The following ITGA3 variants were observed in gnomAD, a reference collection of about 807,000 sequenced individuals.
ITGA3 encodes the protein integrin alpha-3.
Under a neutral mutation model 131.1 loss-of-function variants are expected in ITGA3, and 70 were observed. That is an observed-to-expected ratio of 0.53 (90% confidence interval 0.44 to 0.65). The LOEUF (loss-of-function observed/expected upper bound fraction) is 0.65. Ranked by LOEUF, ITGA3 falls within the 30% of genes least tolerant of loss-of-function variation. The pLI is 0.00. For missense variants in ITGA3, 1,098 were observed against 1,388.6 expected (o/e 0.79, Z 3.33); for synonymous variants, 537 against 571.6 (o/e 0.94, Z 0.86).
chr17:50,068,068 C>T lies in ITGA3; in HGVS notation c.427C>T (p.Arg143Cys), dbSNP rs368137808. 1.5e-5 allele frequency: 25 copies of T among 1,613,890 alleles called. No individual in the cohort carries two copies. The highest frequency in any genetic ancestry group is 1.3e-5 in the African/African-American group (1 of 74,942). ...GGGGGGTCCCCAGGTCTGTGCCCAC[C>T]GCTACACCCAGGTGCTGTGGTCAGG... Reference protein sequence around the residue: ...PAGRVLVCAHRYTQVLWSGSE... With the variant: ...PAGRVLVCAHCYTQVLWSGSE... The change falls in exon 4 of 26, where the codon CGC becomes TGC. Residue 143 changes from arginine (R) to cysteine (C), a missense_variant. Arg to Cys is a radical substitution (Grantham distance 180). Coordinates refer to ENST00000320031, the MANE Select transcript of ITGA3 (RefSeq NM_002204.4).
At chr17:50,087,054 A>T (rs1424270974) in intron 23 of ITGA3, 1 of 152,006 alleles carries the variant, frequency 6.6e-6, no homozygotes, top group African/African-American at 2.4e-5. Context: ...TCTGTCTCCA[A>T]AAAATAAAAT....
intron 4 of ITGA3, among the ~76,000 whole-genome samples, 199 bp from the exon 5 acceptor site, chr17:50,070,644 CA>C (rs59600840): frequency 1.2e-3 from 85 of 69,452 alleles, no homozygotes; most frequent in Middle Eastern, 0.015. Flanking sequence ...AAGACTGTCT[CA>C]AAAAAAAAAA....
chr17:50,070,265 C>G (rs755232285), intron 4 of ITGA3, among the ~76,000 whole-genome samples: 9 of 152,222 alleles, frequency 5.9e-5, no homozygotes, highest in Non-Finnish European at 1.0e-4. Flanking sequence ...GCTCTACAAC[C>G]AGCTCCCCAT....
At chr17:50,058,442 C>A (rs759733089) in intron 1 of ITGA3, among the ~76,000 whole-genome samples, 1 of 152,210 alleles carries the variant, frequency 6.6e-6, no homozygotes, top group Admixed American at 6.5e-5. Flanking sequence ...GCACATGTGC[C>A]TTTCTCCAAG....
rs997976067 is a variant in ITGA3 at position 50,073,818 on chromosome 17, A to C, written c.1157-98A>C. 3 of 850,914 alleles carry C rather than the reference A, an allele frequency of 3.5e-6. No homozygotes were observed. In the African/African-American group the frequency reaches 4.9e-5, roughly 14 times the overall value. 52.7% of individuals were successfully genotyped at this position (850,914 alleles called of 1,614,324 possible). A position where few individuals can be genotyped will look rare whatever the true frequency, so the allele number is the denominator to read the frequency against. On this transcript the variant is annotated intron_variant, in intron 7 of 25. Coordinates refer to ENST00000320031, the MANE Select transcript of ITGA3 (RefSeq NM_002204.4). ...AGCCCTGCCCATCAATCAGGCCAAG[A>C]TCAGTTCTGTGCTGGGCTGTATGGC...
At chr17:50,072,389 C>G (rs1345195999) in intron 7 of ITGA3, among the ~76,000 whole-genome samples, 3 of 152,164 alleles carry the variant, frequency 2.0e-5, no homozygotes, top group Non-Finnish European at 2.9e-5. Flanking sequence ...AGTGGGCCTC[C>G]TGGAGGAGCT....
Position 50,089,514 on chromosome 17 carries a change from A to T in ITGA3, c.*436A>T. On this transcript the variant is annotated 3_prime_UTR_variant, in exon 26 of 26. Coordinates refer to ENST00000320031, the MANE Select transcript of ITGA3 (RefSeq NM_002204.4). Reference sequence around the variant, plus strand: ...TGTGCCCTAGATGCACGTGGGGCCCACTGCTCGTGGACTGTGCTGGTGCAT... The same window carrying T: ...TGTGCCCTAGATGCACGTGGGGCCCTCTGCTCGTGGACTGTGCTGGTGCAT... 1 of 531,306 alleles carries T rather than the reference A, an allele frequency of 1.9e-6. No individual in the cohort carries two copies. The allele number at this position is 531,306 out of a possible 1,614,324, so 32.9% of individuals were successfully genotyped here.
rs961576104 is a variant in ITGA3, at chr17:50,064,980, C to T, written c.414+373C>T. The stretch of plus-strand genomic sequence containing the variant: ...CTGGCGCTCCTTCCTGGGAGGCTGA[C>T]TGCCGGAAGAGGCCCAGCCCTGCTG... On this transcript the variant is annotated intron_variant, in intron 3 of 25. Transcript: ENST00000320031. This position sits in a 1 kb window ranked among gnomAD's most constrained non-coding sequence, Gnocchi z 4.4. 5.6e-6 allele frequency: 1 copy of T among 177,906 alleles called. No homozygotes were observed. The highest frequency in any genetic ancestry group is 2.4e-5 in the African/African-American group (1 of 42,116). The allele number at this position is 177,906 out of a possible 1,614,324, so 11.0% of individuals were successfully genotyped here.
chr17:50,068,854 ATTTATTTT>A (rs1409093415), intron 4 of ITGA3, among the ~76,000 whole-genome samples: 31 of 110,614 alleles, frequency 2.8e-4, no homozygotes, highest in African/African-American at 8.5e-4. Flanking sequence ...TTATTTATTT[ATTTATTTT>A]TTTGAGACAG....
At position 50,081,322 on chromosome 17, in the gene ITGA3, T is replaced by C; in HGVS notation, c.2833T>C (p.Phe945Leu). ...NSTFIEDYRD[F>L]DRVRVNGWAT... ...ACTCCCAATCCAGGATTACAGAGACTTTGACCGAGTCCGGGTAAATGGCTG... is the reference window on the plus strand; with the variant it reads ...ACTCCCAATCCAGGATTACAGAGACCTTGACCGAGTCCGGGTAAATGGCTG... The change falls in exon 23 of 26, where the codon TTT becomes CTT. Residue 945 changes from phenylalanine to leucine, a missense_variant. Around this residue, in one of 3 missense-constraint regions of ITGA3, gnomAD observed 699 missense variants for 829.2 expected, o/e 0.84. Transcript: ENST00000320031. The C allele has an allele frequency of 6.3e-7, 1 of 1,587,242 alleles. No individual in the cohort carries two copies. The highest frequency in any genetic ancestry group is 8.6e-7 in the Non-Finnish European group (1 of 1,164,896).
At chr17:50,081,494 C>G in intron 23 of ITGA3, 86 bp downstream of exon 23, 1 of 976,136 alleles carries the variant, frequency 1.0e-6, no homozygotes, top group Non-Finnish European at 1.6e-6. Context: ...TGACGCACTT[C>G]AGCCATATGG....
At chr17:50,085,402 C>T (rs996593009) in intron 23 of ITGA3, among the ~76,000 whole-genome samples, 18 of 152,012 alleles carry the variant, frequency 1.2e-4, no homozygotes, top group African/African-American at 3.4e-4. Context: ...TGGTGGCTCA[C>T]GCCTGTAATC....
chr17:50,081,389 T>G lies in ITGA3; in HGVS notation c.2900T>G (p.Met967Arg), dbSNP rs201674371. Residue 967 changes from methionine (M) to arginine (R), a missense_variant, in exon 23 of 26, where the codon ATG becomes AGG. By Grantham distance (91) the Met-to-Arg change is moderately conservative (BLOSUM62 -1). Around this residue, in one of 3 missense-constraint regions of ITGA3, gnomAD observed 699 missense variants for 829.2 expected, o/e 0.84. Transcript: ENST00000320031. ...CGAACCAGCATCCCCACCATCAACATGGAGAACAAGACCACGTGGGTGAGT... is the reference window on the plus strand; with the variant it reads ...CGAACCAGCATCCCCACCATCAACAGGGAGAACAAGACCACGTGGGTGAGT... Reference protein sequence around the residue: ...FLRTSIPTINMENKTTWFSVD... With the variant: ...FLRTSIPTINRENKTTWFSVD... 4 of 1,584,186 alleles carry G rather than the reference T, an allele frequency of 2.5e-6. No individual in the cohort carries two copies. Among genetic ancestry groups the G allele is most frequent in the Non-Finnish European group, 3.4e-6 (4 of 1,163,236 alleles).
At chr17:50,077,505 G>A (rs371667399) in intron 16 of ITGA3, 58 bp downstream of exon 16, 72 of 1,330,628 alleles carry the variant, frequency 5.4e-5, no homozygotes, top group Non-Finnish European at 7.3e-5. Flanking sequence ...CCTCTGATGA[G>A]CTCCTTGTCC....
chr17:50,088,185 G>T (rs746601235), intron 24 of ITGA3, 40 bp from the exon 25 acceptor site: 1 of 1,539,724 alleles, frequency 6.5e-7, no homozygotes, highest in Admixed American at 2.0e-5. Flanking sequence ...ATAGCCCAGC[G>T]CCCCCCTGAT....
chr17:50,082,823 A>G (rs2144312362), intron 23 of ITGA3, among the ~76,000 whole-genome samples: 1 of 152,224 alleles, frequency 6.6e-6, no homozygotes, highest in African/African-American at 2.4e-5. Context: ...AATGATTAGA[A>G]AAAAGTCAAT....
rs765222002 is a variant in ITGA3 at position 50,056,604 on chromosome 17, G to A, written c.165G>A (p.Ser55=). The A allele has an allele frequency of 5.0e-6, 8 of 1,599,558 alleles. No individual in the cohort carries two copies. The highest frequency in any genetic ancestry group is 1.1e-5 in the South Asian group (1 of 88,566). The change falls in exon 1 of 26, where the codon TCG becomes TCA. Residue 55 remains serine, a synonymous_variant. Transcript: ENST00000320031. The surrounding 1 kb of genome is among the most constrained non-coding windows in gnomAD (Gnocchi z 5.6). ...ACCCGGGCAGCCTCTTCGGCTACTC[G>A]GTCGCCCTCCATCGGCAGACAGAGC... ...AGNPGSLFGY[S]VALHRQTERQ...
intron 25 of ITGA3, among the ~76,000 whole-genome samples, chr17:50,088,694 C>T (rs1234067183): frequency 1.3e-5 from 2 of 152,186 alleles, no homozygotes; most frequent in Non-Finnish European, 2.9e-5. Flanking sequence ...CAGAATAATT[C>T]TACACTCCCA....
At position 50,056,517 on chromosome 17, in the gene ITGA3, C is replaced by A; in HGVS notation, c.78C>A (p.Gly26=). The change falls in exon 1 of 26, where the codon GGC becomes GGA. Residue 26 remains glycine (G), a synonymous_variant. Transcript: ENST00000320031. The surrounding 1 kb of genome is among the most constrained non-coding windows in gnomAD (Gnocchi z 5.6). ...LCALALMVAA[G]GCVVSAFNLD... Reference sequence around the variant, plus strand: ...CGCTCGCCTTGATGGTGGCGGCCGGCGGCTGCGTCGTCTCCGCCTTCAACC... The same window carrying A: ...CGCTCGCCTTGATGGTGGCGGCCGGAGGCTGCGTCGTCTCCGCCTTCAACC... The A allele has an allele frequency of 1.3e-6, 2 of 1,550,980 alleles. No homozygotes were observed. The highest frequency in any genetic ancestry group is 8.7e-7 in the Non-Finnish European group (1 of 1,147,622).
Sources: gnomAD v4.1 joint callset for allele counts (sites outside exome capture counted in the v4.1 genomes callset) on GRCh38, gnomAD v4.1.1 for gene constraint, gnomAD v4.1.1 regional missense constraint, Gnocchi (gnomAD v3.1) non-coding constraint, MANE v1.5 for transcripts, NCBI Gene and HGNC (gene_info 2026-07-23, HGNC 2026-07-21) for gene names.